The following PTDSS2 variants were observed in gnomAD, a reference collection of about 807,000 sequenced individuals.
PTDSS2 encodes PSS-2.
Under a neutral mutation model 64.7 loss-of-function variants are expected in PTDSS2, and 41 were observed. The ratio of observed to expected loss-of-function variants is 0.63; its 90% CI spans 0.49 to 0.82. The LOEUF is 0.82. Among genes scored for constraint, PTDSS2 ranks in the 40% least tolerant of loss-of-function variants. The pLI is 0.00. For synonymous variants in PTDSS2, 297 were observed against 277.8 expected (o/e 1.07, Z -0.69); for missense variants, 485 against 650.0 (o/e 0.75, Z 2.76).
chr11:483,677 G>A (rs1848166528), intron 4 of PTDSS2, among the ~76,000 whole-genome samples: 1 of 152,084 alleles, frequency 6.6e-6, no homozygotes, highest in African/African-American at 2.4e-5. Context: ...TGGGTCCCAG[G>A]GTGTGCCTTT....
intron 3 of PTDSS2, among the ~76,000 whole-genome samples, chr11:477,236 G>A (rs1847847188): frequency 6.6e-6 from 1 of 152,220 alleles, no homozygotes; most frequent in African/African-American, 2.4e-5. Context: ...AGCTCTGAGG[G>A]AGGTGGAACG....
At chr11:450,155 A>T (rs886100181), upstream of PTDSS2, 6 of 292,480 alleles carry the variant, frequency 2.1e-5, no homozygotes, top group Admixed American at 2.6e-4. Context: ...CTGCGACCTC[A>T]GCCGCAGGGC....
At chr11:454,678 G>T (rs912329762) in intron 1 of PTDSS2, among the ~76,000 whole-genome samples, 1 of 152,154 alleles carries the variant, frequency 6.6e-6, no homozygotes, top group East Asian at 1.9e-4. Context: ...GGTGGCGGGC[G>T]CCTGTAATCC....
chr11:487,201 T>C (rs61876334), intron 5 of PTDSS2, 128 bp downstream of exon 5: 123,572 of 1,052,780 alleles, frequency 0.12, 8,774 homozygotes, highest in Admixed American at 0.23. Context: ...AGAGATGTGC[T>C]GAGGCCCTGT....
intron 3 of PTDSS2, 58 bp downstream of exon 3, chr11:474,035 C>G (rs1847604244): frequency 7.2e-7 from 1 of 1,383,706 alleles, no homozygotes; most frequent in South Asian, 1.2e-5. Context: ...TGAGCGGCCA[C>G]TCTGTGTCTG....
At chr11:455,257 C>T (rs560777050) in intron 1 of PTDSS2, among the ~76,000 whole-genome samples, 147 of 152,290 alleles carry the variant, frequency 9.7e-4, no homozygotes, top group African/African-American at 3.0e-3. Context: ...GGCTGGGGCT[C>T]CTTCACCCCT....
At position 450,425 on chromosome 11, in the gene PTDSS2, G is replaced by A; in HGVS notation, c.-31G>A. On this transcript the variant is annotated 5_prime_UTR_variant, in exon 1 of 12. Coordinates refer to ENST00000308020, the MANE Select transcript of PTDSS2 (RefSeq NM_030783.3). ...GACCCGGTGTGCGTGGGGTCGAGGCGCCGGGCGGAGTGGCTCCGGGCCGAA... is the reference window on the plus strand; with the variant it reads ...GACCCGGTGTGCGTGGGGTCGAGGCACCGGGCGGAGTGGCTCCGGGCCGAA... 8.2e-7 allele frequency: 1 copy of A among 1,222,044 alleles called. No individual in the cohort carries two copies. The highest frequency in any genetic ancestry group is 1.0e-6 in the Non-Finnish European group (1 of 981,042). The allele number at this position is 1,222,044 out of a possible 1,614,324, so 75.7% of individuals were successfully genotyped here. A position where few individuals can be genotyped will look rare whatever the true frequency, so the allele number is the denominator to read the frequency against.
rs1193515507 is a variant in PTDSS2, at chr11:461,534, G to GC, written c.284+1248dup. Among the ~76,000 whole-genome samples the GC allele has an allele frequency of 6.6e-6, 1 of 152,096 alleles. No individual in the cohort carries two copies. Among genetic ancestry groups the GC allele is most frequent in the East Asian group, 1.9e-4 (1 of 5,180 alleles). On this transcript the variant is annotated intron_variant, in intron 2 of 11. Coordinates refer to ENST00000308020, the MANE Select transcript of PTDSS2 (RefSeq NM_030783.3). The surrounding 1 kb of genome is among the most constrained non-coding windows in gnomAD (Gnocchi z 4.2). ...CATCCTCACCTGGGAGGCGCAGGTG[G>GC]CCTCTCCTGTCCTGGTCTCCCTACC...
In PTDSS2 at chr11:461,268, G is replaced by A. The variant is rs2133771106; in HGVS notation, c.284+980G>A. On this transcript the variant is annotated intron_variant, in intron 2 of 11. Coordinates refer to ENST00000308020, the MANE Select transcript of PTDSS2 (RefSeq NM_030783.3). This position sits in a 1 kb window ranked among gnomAD's most constrained non-coding sequence, Gnocchi z 4.2. ...GTGGGCATGGTGTGAACGTCATCAC[G>A]CTTGCACGGGCGTTGGTGGCCCTGT... 6.6e-6 allele frequency among the ~76,000 whole-genome samples: 1 copy of A among 152,282 alleles called. No homozygotes were observed. Among genetic ancestry groups the A allele is most frequent in the East Asian group, 1.9e-4 (1 of 5,188 alleles).
chr11:489,553 G>A (rs1285052219), intron 9 of PTDSS2, 35 bp from the exon 10 acceptor site: 2 of 1,608,580 alleles, frequency 1.2e-6, no homozygotes, highest in South Asian at 1.1e-5. Context: ...GGCGGGCGGG[G>A]GGCCAGAGCT....
chr11:450,887 C>T (rs541804773), intron 1 of PTDSS2, among the ~76,000 whole-genome samples: 5 of 152,164 alleles, frequency 3.3e-5, no homozygotes, highest in Middle Eastern at 6.8e-3. Flanking sequence ...TCCCTGCGGC[C>T]GCTTTGCGTC....
At chr11:482,410 C>T (rs969230666) in intron 4 of PTDSS2, among the ~76,000 whole-genome samples, 4 of 152,062 alleles carry the variant, frequency 2.6e-5, no homozygotes, top group African/African-American at 7.2e-5. Flanking sequence ...TTAGTAGAGT[C>T]GGGGTTTCAC....
intron 11 of PTDSS2, 125 bp from the exon 12 acceptor site, chr11:490,295 G>A (rs1848614458): frequency 6.5e-6 from 9 of 1,394,098 alleles, no homozygotes; most frequent in Non-Finnish European, 9.0e-6. Flanking sequence ...CCGTCCCAGG[G>A]CCAGGGTACC....
intron 4 of PTDSS2, among the ~76,000 whole-genome samples, chr11:484,672 A>T (rs1848218188): frequency 6.9e-6 from 1 of 144,600 alleles, no homozygotes; most frequent in South Asian, 2.2e-4. Flanking sequence ...GGCGTCTGTA[A>T]ACTGCACGGG....
intron 4 of PTDSS2, among the ~76,000 whole-genome samples, chr11:482,676 AGT>A (rs931896827): frequency 9.2e-5 from 14 of 152,344 alleles, no homozygotes; most frequent in African/African-American, 3.4e-4. Context: ...TATCCCACTG[AGT>A]GTGTTAGCTG....
chr11:459,355 G>C (rs1846759881), intron 1 of PTDSS2: 1 of 150,932 alleles, frequency 6.6e-6, no homozygotes, highest in Non-Finnish European at 1.5e-5. Context: ...GGTGGATGTA[G>C]GACCTGGGTT....
intron 1 of PTDSS2, chr11:459,981 G>A: frequency 1.8e-6 from 1 of 560,544 alleles, no homozygotes; most frequent in East Asian, 3.0e-5. Flanking sequence ...GCCTCCTGGG[G>A]GCTGGTCTCA....
chr11:460,179 G>A lies in PTDSS2; in HGVS notation c.183-8G>A. Reference sequence around the variant, plus strand: ...CTGACACCATGCTTATGCGTTTTTGGATTTCAGGCGAGCCCACACCTTAAC... The same window carrying A: ...CTGACACCATGCTTATGCGTTTTTGAATTTCAGGCGAGCCCACACCTTAAC... On this transcript the variant is annotated splice_region_variant and splice_polypyrimidine_tract_variant and intron_variant, in intron 1 of 11. Transcript: ENST00000308020. This position sits in a 1 kb window ranked among gnomAD's most constrained non-coding sequence, Gnocchi z 5.8. 1 of 1,613,426 alleles carries A rather than the reference G, an allele frequency of 6.2e-7. No individual in the cohort carries two copies.
At chr11:475,558 G>C (rs1446105698) in intron 3 of PTDSS2, among the ~76,000 whole-genome samples, 1 of 151,678 alleles carries the variant, frequency 6.6e-6, no homozygotes, top group African/African-American at 2.4e-5. Context: ...TTGTGTGTAG[G>C]ACATATTCAC....
Sources: gnomAD v4.1 joint callset for allele counts (sites outside exome capture counted in the v4.1 genomes callset) on GRCh38, gnomAD v4.1.1 for gene constraint, Gnocchi (gnomAD v3.1) non-coding constraint, MANE v1.5 for transcripts, NCBI Gene and HGNC (gene_info 2026-07-23, HGNC 2026-07-21) for gene names.